The following STX7 variants were observed in gnomAD, a reference collection of about 807,000 sequenced individuals.
STX7 encodes the protein syntaxin-7.
In STX7, 34 loss-of-function variants were observed where a neutral mutation model predicts 39.6. The observed-to-expected ratio is 0.86, with a 90% CI of 0.65 to 1.14. The LOEUF is 1.14. Among genes scored for constraint, STX7 ranks in the 50% most tolerant of loss-of-function variants. STX7 has a pLI of 0.00. For missense variants in STX7, 284 were observed against 310.4 expected (o/e 0.92, Z 0.64); for synonymous variants, 119 against 99.1 (o/e 1.20, Z -1.19).
At chr6:132,483,588 A>G (rs1052031994) in intron 2 of STX7, among the ~76,000 whole-genome samples, 3 of 152,216 alleles carry the variant, frequency 2.0e-5, no homozygotes, top group Non-Finnish European at 2.9e-5. Flanking sequence ...ATTTAGAAAC[A>G]AAACACTTTT....
intron 2 of STX7, among the ~76,000 whole-genome samples, chr6:132,491,503 G>A (rs1775286888): frequency 6.6e-6 from 1 of 152,108 alleles, no homozygotes; most frequent in African/African-American, 2.4e-5. Flanking sequence ...GTCATTTTAG[G>A]TTCCTTGGGC....
At chr6:132,498,619 T>C (rs1175022091) in intron 2 of STX7, among the ~76,000 whole-genome samples, 1 of 152,242 alleles carries the variant, frequency 6.6e-6, no homozygotes, top group Admixed American at 6.5e-5. Flanking sequence ...CAGATAATTG[T>C]ACTGACACAA....
chr6:132,499,940 T>C (rs989793197), intron 2 of STX7, among the ~76,000 whole-genome samples: 2 of 152,176 alleles, frequency 1.3e-5, no homozygotes, highest in African/African-American at 4.8e-5. Context: ...CACCACCTAG[T>C]CGGTTGCTCA....
intron 9 of STX7, among the ~76,000 whole-genome samples, chr6:132,462,622 T>TGTGTGTGTGTG (rs1562320499): frequency 3.4e-5 from 5 of 145,244 alleles, no homozygotes; most frequent in African/African-American, 1.0e-4. Context: ...TGTGTGTGTG[T>TGTGTGTGTGTG]TTTCAATTAT....
At chr6:132,488,130 T>G (rs1247015294) in intron 2 of STX7, among the ~76,000 whole-genome samples, 1 of 152,254 alleles carries the variant, frequency 6.6e-6, no homozygotes, top group Non-Finnish European at 1.5e-5. Flanking sequence ...TCTTTTTGGC[T>G]TTCTCTTTGA....
At chr6:132,512,529 G>C (rs1775874050) in intron 1 of STX7, among the ~76,000 whole-genome samples, 1 of 152,294 alleles carries the variant, frequency 6.6e-6, no homozygotes, top group South Asian at 2.1e-4. Flanking sequence ...AAACATACAC[G>C]GTTCGCCTGC....
intron 3 of STX7, among the ~76,000 whole-genome samples, chr6:132,473,262 A>G (rs1388199642): frequency 1.3e-5 from 2 of 152,224 alleles, no homozygotes; most frequent in African/African-American, 4.8e-5. Flanking sequence ...AAGGGAAAGA[A>G]CACAATAAAT....
intron 2 of STX7, among the ~76,000 whole-genome samples, chr6:132,499,658 T>C (rs143502063): frequency 1.2e-3 from 177 of 152,302 alleles, no homozygotes; most frequent in African/African-American, 4.1e-3. Flanking sequence ...GGTCACTCCT[T>C]AGATTCTTCA....
intron 7 of STX7, among the ~76,000 whole-genome samples, chr6:132,469,358 G>T (rs954062391): frequency 1.3e-5 from 2 of 152,014 alleles, no homozygotes; most frequent in Non-Finnish European, 2.9e-5. Flanking sequence ...TCTCTACACT[G>T]GTATTTTCTC....
intron 4 of STX7, 141 bp downstream of exon 4, chr6:132,472,141 T>C (rs1221687241): frequency 1.5e-6 from 1 of 653,176 alleles, no homozygotes; most frequent in Non-Finnish European, 2.5e-6. Flanking sequence ...TTTTGTGTTC[T>C]GTGAACTAAT....
chr6:132,474,168 C>G (rs1362534433), intron 3 of STX7, among the ~76,000 whole-genome samples: 14 of 131,656 alleles, frequency 1.1e-4, no homozygotes, highest in African/African-American at 4.1e-4. Context: ...GTCCAGGCTG[C>G]AGTGAACCGT....
chr6:132,488,122 T>C (rs1775186403), intron 2 of STX7, among the ~76,000 whole-genome samples: 1 of 152,204 alleles, frequency 6.6e-6, no homozygotes, highest in African/African-American at 2.4e-5. Context: ...CCAATTCCTC[T>C]TTTTGGCTTT....
rs1774216939 is a variant in STX7, at chr6:132,455,143, C to G, written c.*5615G>C. 6.6e-6 allele frequency: 1 copy of G among 152,170 alleles called. No individual in the cohort carries two copies. Among genetic ancestry groups the G allele is most frequent in the African/African-American group, 2.4e-5 (1 of 41,446 alleles). The allele number at this position is 152,170 out of a possible 1,614,324, so 9.4% of individuals were successfully genotyped here. On this transcript the variant is annotated 3_prime_UTR_variant, in exon 10 of 10. Coordinates refer to ENST00000367941, the MANE Select transcript of STX7 (RefSeq NM_003569.3). ...GAGCTTTTCACCGTCAAGTTTTTAG[C>G]TATACAAGTTATTAAAAAAGCAAAA...
rs1477307108 is a variant in STX7 at position 132,452,073 on chromosome 6, A to G, written c.*8685T>C. 6.6e-6 allele frequency: 1 copy of G among 152,210 alleles called. No homozygotes were observed. Among genetic ancestry groups the G allele is most frequent in the East Asian group, 1.9e-4 (1 of 5,204 alleles). The allele number at this position is 152,210 out of a possible 1,614,324, so 9.4% of individuals were successfully genotyped here. A position where few individuals can be genotyped will look rare whatever the true frequency, so the allele number is the denominator to read the frequency against. On this transcript the variant is annotated 3_prime_UTR_variant, in exon 10 of 10. Coordinates refer to ENST00000367941, the MANE Select transcript of STX7 (RefSeq NM_003569.3). ...TGGAGTTTATCTCAGGGATGTAACA[A>G]TGGCTCAACATTCAAAAATCAATCA... is the stretch of plus-strand genomic sequence containing the variant.
At chr6:132,466,819 A>G (rs2114364164) in intron 8 of STX7, among the ~76,000 whole-genome samples, 1 of 152,292 alleles carries the variant, frequency 6.6e-6, no homozygotes, top group African/African-American at 2.4e-5. Flanking sequence ...CCACTTACAG[A>G]TTTCCCCATC....
At position 132,472,354 on chromosome 6, in the gene STX7, A is replaced by C. The variant is rs1343896833; in HGVS notation, c.177T>G (p.Thr59=). ...RQQLQQKQQY[T]NQLAKETDKY... is the part of the protein sequence containing the mutation. ...TATCTGTTTCTTTGGCAAGCTGGTT[A>C]GTATACTGCTGCTTCTGTTGCCTAA... The change falls in exon 4 of 10, where the codon ACT becomes ACG. Residue 59 remains threonine (T), a synonymous_variant. Coordinates refer to ENST00000367941, the MANE Select transcript of STX7 (RefSeq NM_003569.3). 1.9e-6 allele frequency: 3 copies of C among 1,613,028 alleles called. No homozygotes were observed. The highest frequency in any genetic ancestry group is 2.5e-6 in the Non-Finnish European group (3 of 1,179,714).
intron 2 of STX7, among the ~76,000 whole-genome samples, chr6:132,483,528 T>C (rs1775060839): frequency 6.6e-6 from 1 of 152,204 alleles, no homozygotes; most frequent in Non-Finnish European, 1.5e-5. Flanking sequence ...TATTCACCCA[T>C]CATAGGTGCT....
Position 132,460,523 on chromosome 6 carries a change from A to C in STX7, c.*235T>G. The C allele has an allele frequency of 2.9e-6, 1 of 345,376 alleles. No individual in the cohort carries two copies. The highest frequency in any genetic ancestry group is 5.2e-6 in the Non-Finnish European group (1 of 191,332). 21.4% of individuals were successfully genotyped at this position (345,376 alleles called of 1,614,324 possible). ...CAATGTGGGCAAAAACTTAACAACTATTAAATTGAAGACCAAGGGAGTTAT... is the reference window on the plus strand; with the variant it reads ...CAATGTGGGCAAAAACTTAACAACTCTTAAATTGAAGACCAAGGGAGTTAT... On this transcript the variant is annotated 3_prime_UTR_variant, in exon 10 of 10. Coordinates refer to ENST00000367941, the MANE Select transcript of STX7 (RefSeq NM_003569.3).
chr6:132,498,266 A>G (rs1775466819), intron 2 of STX7, among the ~76,000 whole-genome samples: 2 of 152,014 alleles, frequency 1.3e-5, no homozygotes, highest in Admixed American at 1.3e-4. Flanking sequence ...TTTACATGTA[A>G]GCATTTACAA....
Sources: allele counts gnomAD v4.1 joint callset (sites outside exome capture counted in the v4.1 genomes callset), GRCh38; gene constraint gnomAD v4.1.1; transcripts MANE v1.5; gene names NCBI Gene and HGNC (gene_info 2026-07-23, HGNC 2026-07-21).